SPSB1: variants seen among roughly 807,000 people sequenced by gnomAD.
SPSB1 encodes the protein SPRY domain-containing SOCS box protein 1.
A neutral mutation model predicts 21.2 loss-of-function variants in SPSB1; 8 were observed. That is an observed-to-expected ratio of 0.38 (90% CI 0.22 to 0.68). The LOEUF (loss-of-function observed/expected upper bound fraction) is 0.68, where lower values mean the gene tolerates loss of function less well. Among genes scored for constraint, SPSB1 ranks in the 30% least tolerant of loss-of-function variants. The pLI is 0.53. For missense variants in SPSB1, 242 were observed against 377.8 expected (o/e 0.64, Z 2.98); for synonymous variants, 169 against 161.7 (o/e 1.05, Z -0.34).
chr1:9,306,340 G>A (rs1294044), intron 1 of SPSB1, among the ~76,000 whole-genome samples: 69,932 of 152,086 alleles, frequency 0.46, 16,531 homozygotes, highest in East Asian at 0.72. Flanking sequence ...TGGAGTGGGA[G>A]GGATAACCAG....
chr1:9,359,833 G>T (rs1295069367), intron 2 of SPSB1, among the ~76,000 whole-genome samples: 1 of 138,174 alleles, frequency 7.2e-6, no homozygotes, highest in Non-Finnish European at 1.6e-5. Context: ...GGGAGCTTGG[G>T]CCAGGATGGA....
chr1:9,296,781 G>A (rs1055008546), intron 1 of SPSB1, among the ~76,000 whole-genome samples: 6 of 152,220 alleles, frequency 3.9e-5, no homozygotes, highest in African/African-American at 1.4e-4. Flanking sequence ...CGTCCTTTCT[G>A]ACTTGGGCTT....
At chr1:9,357,561 CT>C (rs1225715342) in intron 2 of SPSB1, among the ~76,000 whole-genome samples, 2 of 152,182 alleles carry the variant, frequency 1.3e-5, no homozygotes, top group Non-Finnish European at 2.9e-5. Flanking sequence ...GGCTTAGAGT[CT>C]TTCTCTTCTG....
intron 1 of SPSB1, among the ~76,000 whole-genome samples, chr1:9,330,460 TG>T (rs1639895549): frequency 8.1e-6 from 1 of 123,404 alleles, no homozygotes; most frequent in South Asian, 3.0e-4. Context: ...AGCTAAATTC[TG>T]TCTCAAAATA....
intron 1 of SPSB1, among the ~76,000 whole-genome samples, chr1:9,312,676 A>G (rs965951671): frequency 2.6e-5 from 4 of 152,142 alleles, no homozygotes; most frequent in Non-Finnish European, 5.9e-5. Context: ...GAATTTTGCA[A>G]TGATTGGATG....
intron 2 of SPSB1, among the ~76,000 whole-genome samples, chr1:9,361,188 A>C (rs111608800): frequency 1.3e-5 from 1 of 74,796 alleles, no homozygotes; most frequent in East Asian, 6.8e-4. Context: ...TTTTTTAGAG[A>C]TGGGGTCTCA....
intron 1 of SPSB1, among the ~76,000 whole-genome samples, chr1:9,303,818 A>G (rs1639370055): frequency 6.6e-6 from 1 of 152,192 alleles, no homozygotes; most frequent in Non-Finnish European, 1.5e-5. Context: ...ACCTGTGATG[A>G]TTGATTTCAG....
rs1019117263 is a variant in SPSB1, at chr1:9,305,860, G to A, written c.-150+12789G>A. 4.6e-5 allele frequency among the ~76,000 whole-genome samples: 7 copies of A among 152,144 alleles called. No individual in the cohort carries two copies. The highest frequency in any genetic ancestry group is 3.3e-4 in the Admixed American group (5 of 15,280). ...CAGGCCCGTCTCTGCTGATGATAGC[G>A]CTCAGGGTATCAGAGGACACTGGTG... On this transcript the variant is annotated intron_variant, in intron 1 of 2. Coordinates refer to ENST00000328089, the MANE Select transcript of SPSB1 (RefSeq NM_025106.4). This position sits in a 1 kb window ranked among gnomAD's most constrained non-coding sequence, Gnocchi z 4.8.
At position 9,368,095 on chromosome 1, in the gene SPSB1, T is replaced by C. The variant is rs1640608494; in HGVS notation, c.*520T>C. On this transcript the variant is annotated 3_prime_UTR_variant, in exon 3 of 3. Transcript: ENST00000328089. Reference sequence around the variant, plus strand: ...AGCTCAGGACGTCAAAAACTCACCATGGACCCCAAGGCAGAAACCAAGAAC... The same window carrying C: ...AGCTCAGGACGTCAAAAACTCACCACGGACCCCAAGGCAGAAACCAAGAAC... 6.2e-6 allele frequency: 1 copy of C among 160,700 alleles called. No homozygotes were observed. Among genetic ancestry groups the C allele is most frequent in the African/African-American group, 2.4e-5 (1 of 41,478 alleles). The allele number at this position is 160,700 out of a possible 1,614,324, so 10.0% of individuals were successfully genotyped here. A position where few individuals can be genotyped will look rare whatever the true frequency, so the allele number is the denominator to read the frequency against.
intron 2 of SPSB1, among the ~76,000 whole-genome samples, chr1:9,361,156 C>CTTTTTTTTTTTTTTTTTTTTTTTTTTT (rs57871457): frequency 1.9e-5 from 2 of 102,576 alleles, no homozygotes; most frequent in African/African-American, 8.3e-5. Context: ...CTGTCATTTT[C>CTTTTTTTTTTTTTTTTTTTTTTTTTTT]TTTTTTTTTT....
chr1:9,362,998 G>A (rs921385013), intron 2 of SPSB1, among the ~76,000 whole-genome samples: 2 of 152,222 alleles, frequency 1.3e-5, no homozygotes, highest in Non-Finnish European at 2.9e-5. Flanking sequence ...AGGCACCTGG[G>A]TTTGTGGCTG....
chr1:9,302,584 C>G (rs1174470860), intron 1 of SPSB1, among the ~76,000 whole-genome samples: 1 of 152,196 alleles, frequency 6.6e-6, no homozygotes, highest in Non-Finnish European at 1.5e-5. Context: ...TCCAGGTTCT[C>G]TGGCCTTTGG....
At chr1:9,365,109 G>A (rs778898733) in intron 2 of SPSB1, among the ~76,000 whole-genome samples, 77 of 152,134 alleles carry the variant, frequency 5.1e-4, no homozygotes, top group Non-Finnish European at 9.1e-4. Flanking sequence ...CGCCGGCCTC[G>A]GCCTCCCGAA....
intron 1 of SPSB1, among the ~76,000 whole-genome samples, chr1:9,332,201 A>AC (rs1639933087): frequency 6.6e-6 from 1 of 152,008 alleles, no homozygotes; most frequent in Non-Finnish European, 1.5e-5. Flanking sequence ...AAAAAAAAAA[A>AC]AATCTCAATG....
intron 2 of SPSB1, among the ~76,000 whole-genome samples, chr1:9,361,022 C>T (rs536596118): frequency 8.5e-5 from 13 of 152,140 alleles, no homozygotes; most frequent in Non-Finnish European, 1.3e-4. Flanking sequence ...TCCCCCGTCC[C>T]GGGAGAGTTG....
At chr1:9,311,995 G>A (rs746365505) in intron 1 of SPSB1, among the ~76,000 whole-genome samples, 2 of 152,016 alleles carry the variant, frequency 1.3e-5, no homozygotes, top group Non-Finnish European at 2.9e-5. Context: ...TTGTCTTGGT[G>A]TAACCGTTGG....
intron 1 of SPSB1, among the ~76,000 whole-genome samples, chr1:9,300,137 G>A (rs1055708804): frequency 6.6e-6 from 1 of 152,178 alleles, no homozygotes; most frequent in Non-Finnish European, 1.5e-5. Context: ...CTCCCTTAGT[G>A]AAATTTCTCG....
chr1:9,335,228 A>C (rs1362989050), intron 1 of SPSB1, among the ~76,000 whole-genome samples: 7 of 152,184 alleles, frequency 4.6e-5, no homozygotes, highest in Non-Finnish European at 1.0e-4. Context: ...GGGGTTAGGC[A>C]CAGTGGCTCA....
chr1:9,331,288 C>CA (rs1444587054), intron 1 of SPSB1, among the ~76,000 whole-genome samples: 1 of 31,926 alleles, frequency 3.1e-5, no homozygotes, highest in African/African-American at 1.6e-4. Flanking sequence ...CATAAATACC[C>CA]GTTATGGATC....
Sources: allele counts gnomAD v4.1 joint callset (sites outside exome capture counted in the v4.1 genomes callset), GRCh38; gene constraint gnomAD v4.1.1; non-coding constraint Gnocchi (gnomAD v3.1); transcripts MANE v1.5; gene names NCBI Gene and HGNC (gene_info 2026-07-23, HGNC 2026-07-21).